ANO3: variants seen among roughly 807,000 people sequenced by gnomAD.
The protein encoded by ANO3 is anoctamin 3.
In ANO3, 99 loss-of-function variants were observed where a neutral mutation model predicts 144.8. The observed-to-expected ratio is 0.68, with a 90% CI of 0.58 to 0.81. The LOEUF is 0.81. Ranked by LOEUF, ANO3 falls within the 30% of genes least tolerant of loss-of-function variation. ANO3 has a pLI of 0.00. For synonymous variants in ANO3, 414 were observed against 392.6 expected (o/e 1.05, Z -0.64); for missense variants, 905 against 1,202.2 (o/e 0.75, Z 3.66).
chr11:26,619,955 T>A (rs577940221), intron 17 of ANO3, among the ~76,000 whole-genome samples: 16 of 152,292 alleles, frequency 1.1e-4, no homozygotes, highest in African/African-American at 3.8e-4. Context: ...AATCACATCT[T>A]CCAAAATTAA....
chr11:26,528,004 C>G (rs1849209086), intron 7 of ANO3, among the ~76,000 whole-genome samples: 2 of 152,124 alleles, frequency 1.3e-5, no homozygotes, highest in Admixed American at 1.3e-4. Flanking sequence ...ATAGAATTAT[C>G]TTAGGTTTTC....
At chr11:26,257,317 T>C (rs1853082435) in intron 1 of ANO3, among the ~76,000 whole-genome samples, 1 of 152,044 alleles carries the variant, frequency 6.6e-6, no homozygotes, top group South Asian at 2.1e-4. Flanking sequence ...CTTGATGATA[T>C]CATACAATCT....
chr11:26,327,652 G>A (rs1854921557), upstream of ANO3, among the ~76,000 whole-genome samples: 1 of 152,158 alleles, frequency 6.6e-6, no homozygotes. Flanking sequence ...AGTGAACATG[G>A]ACTTGATGAT....
rs541560245 is a variant in ANO3 at position 26,469,209 on chromosome 11, G to C, written c.432+6061G>C. On this transcript the variant is annotated intron_variant, in intron 4 of 26. Transcript: ENST00000256737. The stretch of plus-strand genomic sequence containing the variant: ...GAAACCTCTCTAAGTAAATGGTGAA[G>C]ACTTGTTCTACATTAGCTGATTGCT... Among the ~76,000 whole-genome samples the C allele has an allele frequency of 2.0e-5, 3 of 152,040 alleles. No individual in the cohort carries two copies. The East Asian group carries it at 5.8e-4, about 30-fold the overall frequency.
chr11:26,416,539 G>C (rs1857592214), intron 1 of ANO3, among the ~76,000 whole-genome samples: 1 of 151,688 alleles, frequency 6.6e-6, no homozygotes, highest in South Asian at 2.1e-4. Context: ...CGATTCCCCT[G>C]CATCAACCTC....
intron 14 of ANO3, among the ~76,000 whole-genome samples, chr11:26,571,756 G>C (rs995191057): frequency 6.6e-6 from 1 of 152,104 alleles, no homozygotes; most frequent in Non-Finnish European, 1.5e-5. Context: ...AGTCACGTAT[G>C]TTTTAAATAA....
intron 24 of ANO3, among the ~76,000 whole-genome samples, chr11:26,648,820 C>T (rs2133077523): frequency 6.6e-6 from 1 of 152,148 alleles, no homozygotes; most frequent in East Asian, 1.9e-4. Context: ...TCAGGAGTAG[C>T]TTTGGGTGTG....
chr11:26,432,019 A>G (rs554315971), intron 1 of ANO3, among the ~76,000 whole-genome samples: 1 of 152,256 alleles, frequency 6.6e-6, no homozygotes, highest in South Asian at 2.1e-4. Context: ...TTACTCTCCC[A>G]CCAACGGTGT....
intron 9 of ANO3, among the ~76,000 whole-genome samples, chr11:26,537,003 TAAA>T (rs764539849): frequency 0.061 from 8,458 of 137,820 alleles, 309 homozygotes; most frequent in Admixed American, 0.11. Flanking sequence ...CAATATCCTT[TAAA>T]TTTTTTTTTT....
At chr11:26,514,085 G>GTTT (rs142484477) in intron 5 of ANO3, among the ~76,000 whole-genome samples, 7,467 of 146,510 alleles carry the variant, frequency 0.051, 290 homozygotes, top group Non-Finnish European at 0.076. Flanking sequence ...TACAGAAAGA[G>GTTT]TTTTTTTTTT....
At chr11:26,621,435 A>G (rs1345113478) in intron 17 of ANO3, among the ~76,000 whole-genome samples, 1 of 152,136 alleles carries the variant, frequency 6.6e-6, no homozygotes, top group East Asian at 1.9e-4. Flanking sequence ...TCTTAAAGGT[A>G]CTTAGCTGAG....
chr11:26,544,273 T>TATATATATATATATATATATATATACAC, intron 11 of ANO3, among the ~76,000 whole-genome samples: 30 of 58,510 alleles, frequency 5.1e-4, no homozygotes, highest in South Asian at 2.0e-3. Flanking sequence ...TATATATATA[T>TATATATATATATATATATATATATACAC]ACACACATAC....
At chr11:26,498,479 TA>T (rs1861056705) in intron 4 of ANO3, among the ~76,000 whole-genome samples, 1 of 151,064 alleles carries the variant, frequency 6.6e-6, no homozygotes, top group South Asian at 2.1e-4. Context: ...GCTGGTCTTT[TA>T]AATTGTTATT....
At chr11:26,277,250 G>A (rs757880507) in intron 1 of ANO3, among the ~76,000 whole-genome samples, 3 of 151,966 alleles carry the variant, frequency 2.0e-5, no homozygotes, top group Non-Finnish European at 2.9e-5. Flanking sequence ...TTGTGTGTGT[G>A]TTTAGTGAAA....
At chr11:26,279,764 G>A (rs995236910) in intron 1 of ANO3, among the ~76,000 whole-genome samples, 3 of 152,140 alleles carry the variant, frequency 2.0e-5, no homozygotes, top group African/African-American at 7.2e-5. Context: ...CTCATTCTGT[G>A]TCCATCCGGC....
At chr11:26,508,996 C>T (rs1178139764) in intron 5 of ANO3, among the ~76,000 whole-genome samples, 1 of 151,302 alleles carries the variant, frequency 6.6e-6, no homozygotes, top group East Asian at 1.9e-4. Context: ...TTGCTAGGTG[C>T]CCCTCAGTAA....
At chr11:26,509,677 G>A (rs111284895) in intron 5 of ANO3, among the ~76,000 whole-genome samples, 5,858 of 152,176 alleles carry the variant, frequency 0.038, 243 homozygotes, top group African/African-American at 0.1. Context: ...AAAAAAAACT[G>A]TTTTTGATGA....
intron 1 of ANO3, among the ~76,000 whole-genome samples, chr11:26,366,594 A>G (rs1212319833): frequency 6.6e-6 from 1 of 152,174 alleles, no homozygotes; most frequent in Non-Finnish European, 1.5e-5. Flanking sequence ...AGTCCCACCA[A>G]CAGTGTAAAA....
intron 1 of ANO3, among the ~76,000 whole-genome samples, chr11:26,237,059 GTTAATA>G (rs1852548114): frequency 6.6e-6 from 1 of 151,958 alleles, no homozygotes; most frequent in Admixed American, 6.6e-5. Flanking sequence ...GAGTAAAGCA[GTTAATA>G]TTAAGATTGT....
Sources: gnomAD v4.1 joint callset for allele counts (sites outside exome capture counted in the v4.1 genomes callset) on GRCh38, gnomAD v4.1.1 for gene constraint, MANE v1.5 for transcripts, NCBI Gene and HGNC (gene_info 2026-07-23, HGNC 2026-07-21) for gene names.